Variants in GPCPD1 observed in about 807,000 individuals in gnomAD.
The protein encoded by GPCPD1 is glycerophosphocholine phosphodiesterase GPCPD1.
GPCPD1 carries 29 observed loss-of-function variants against 89.2 expected under a neutral mutation model. The ratio of observed to expected loss-of-function variants is 0.33; its 90% CI spans 0.24 to 0.44. The LOEUF (loss-of-function observed/expected upper bound fraction) is 0.44, where lower values mean the gene tolerates loss of function less well. Among genes scored for constraint, GPCPD1 ranks in the 20% least tolerant of loss-of-function variants. GPCPD1 has a pLI of 1.00. For synonymous variants in GPCPD1, 258 were observed against 266.3 expected (o/e 0.97, Z 0.30); for missense variants, 594 against 808.9 (o/e 0.73, Z 3.22).
chr20:5,557,015 G>C (rs1278659163), intron 19 of GPCPD1, among the ~76,000 whole-genome samples: 3 of 152,358 alleles, frequency 2.0e-5, no homozygotes, highest in African/African-American at 7.2e-5. Context: ...AGTTATTCAA[G>C]AAAGTCCTCA....
chr20:5,577,316 C>T (rs759508134), intron 8 of GPCPD1, among the ~76,000 whole-genome samples: 16 of 151,220 alleles, frequency 1.1e-4, no homozygotes, highest in Non-Finnish European at 1.5e-4. Flanking sequence ...CCACCGCGCC[C>T]GGCCAAAAAC....
intron 15 of GPCPD1, among the ~76,000 whole-genome samples, chr20:5,563,244 G>T (rs970759409): frequency 6.6e-6 from 1 of 152,160 alleles, no homozygotes; most frequent in Non-Finnish European, 1.5e-5. Flanking sequence ...CTCCCAAAGT[G>T]CTGGGATTAC....
At chr20:5,593,474 T>C in intron 3 of GPCPD1, 63 bp from the exon 4 acceptor site, 1 of 849,150 alleles carries the variant, frequency 1.2e-6, no homozygotes, top group South Asian at 1.4e-5. Flanking sequence ...TAAAGACTTC[T>C]TAATTCACAA....
chr20:5,559,902 T>C, intron 17 of GPCPD1, 38 bp downstream of exon 17: 1 of 1,266,442 alleles, frequency 7.9e-7, no homozygotes, highest in Non-Finnish European at 1.1e-6. Context: ...CCTAGACACA[T>C]TCTAAGAGTA....
intron 1 of GPCPD1, among the ~76,000 whole-genome samples, chr20:5,607,677 G>A (rs755329342): frequency 5.3e-5 from 8 of 151,818 alleles, no homozygotes; most frequent in African/African-American, 1.5e-4. Flanking sequence ...TAAACATGGC[G>A]GCCAGGTGTG....
intron 3 of GPCPD1, among the ~76,000 whole-genome samples, chr20:5,598,084 G>A (rs928386531): frequency 6.6e-6 from 1 of 151,948 alleles, no homozygotes; most frequent in Non-Finnish European, 1.5e-5. Context: ...GCCTTAAAAT[G>A]TTTCTTCAAA....
intron 19 of GPCPD1, among the ~76,000 whole-genome samples, chr20:5,553,921 A>T (rs1474422684): frequency 2.3e-5 from 2 of 87,414 alleles, no homozygotes; most frequent in Non-Finnish European, 4.7e-5. Context: ...GGTATCCAGA[A>T]GGTCTTGCTA....
In GPCPD1 at chr20:5,566,726, T is replaced by C; in HGVS notation, c.1267+7A>G. The C allele has an allele frequency of 1.3e-6, 2 of 1,524,556 alleles. No individual in the cohort carries two copies. The highest frequency in any genetic ancestry group is 1.8e-6 in the Non-Finnish European group (2 of 1,098,374). The allele number at this position is 1,524,556 out of a possible 1,614,324, so 94.4% of individuals were successfully genotyped here. A position where few individuals can be genotyped will look rare whatever the true frequency, so the allele number is the denominator to read the frequency against. Reference sequence around the variant, plus strand: ...AAGGAAAACAGTGTTTCCATATTGGTACATACCTTTCCGATCCTTAGATTT... The same window carrying C: ...AAGGAAAACAGTGTTTCCATATTGGCACATACCTTTCCGATCCTTAGATTT... On this transcript the variant is annotated splice_region_variant and intron_variant, in intron 14 of 19. Transcript: ENST00000379019.
intron 8 of GPCPD1, among the ~76,000 whole-genome samples, chr20:5,577,865 A>C (rs1255470366): frequency 1.3e-5 from 2 of 152,244 alleles, no homozygotes; most frequent in African/African-American, 4.8e-5. Flanking sequence ...TGTAAGTATC[A>C]CATGTAGCTC....
chr20:5,577,896 T>C lies in GPCPD1; in HGVS notation c.705+484A>G, dbSNP rs148604719. On this transcript the variant is annotated intron_variant, in intron 8 of 19. Transcript: ENST00000379019. ...AGCTCCAGAAAGTTAGCAGCACAGATTGTCAATAACCTGGCACAAGCTTTA... is the reference window on the plus strand; with the variant it reads ...AGCTCCAGAAAGTTAGCAGCACAGACTGTCAATAACCTGGCACAAGCTTTA... Among the ~76,000 whole-genome samples the C allele has an allele frequency of 1.5e-3, 230 of 152,106 alleles. 1 individual carries two copies. The highest frequency in any genetic ancestry group is 5.2e-3 in the African/African-American group (216 of 41,566).
In GPCPD1 at chr20:5,570,076, TA is replaced by T. The variant is rs201661124; in HGVS notation, c.1149+70del. On this transcript the variant is annotated intron_variant, in intron 12 of 19. Transcript: ENST00000379019. ...TCTATTTAATAAGTAATTAAAAATA[TA>T]AAAAAACTTCCTAGTTTTTAAACCT... The T allele has an allele frequency of 2.9e-3, 1,977 of 686,380 alleles. 36 individuals are homozygous for T. The African/African-American group carries it at 0.032, about 11-fold the overall frequency. The allele number at this position is 686,380 out of a possible 1,614,324, so 42.5% of individuals were successfully genotyped here.
In GPCPD1 at chr20:5,567,507, T is replaced by A. The variant is rs1174066347; in HGVS notation, c.1203A>T (p.Thr401=). 1 of 1,564,114 alleles carries A rather than the reference T, an allele frequency of 6.4e-7. No individual in the cohort carries two copies. Among genetic ancestry groups the A allele is most frequent in the African/African-American group, 1.4e-5 (1 of 70,970 alleles). The stretch of plus-strand genomic sequence containing the variant: ...CCTTTAACAACTGGAGTTGGTCAAA[T>A]GTTAATTCTTTTACTGGAATTTCAA... ...ELFEIPVKEL[T]FDQLQLLKLT... Residue 401 remains threonine (T), a synonymous_variant, in exon 13 of 20, where the codon ACA becomes ACT. Coordinates refer to ENST00000379019, the MANE Select transcript of GPCPD1 (RefSeq NM_019593.5).
intron 16 of GPCPD1, 34 bp downstream of exon 16, chr20:5,561,431 G>A: frequency 8.6e-7 from 1 of 1,162,318 alleles, no homozygotes; most frequent in South Asian, 1.3e-5. Context: ...TAGGCATAGA[G>A]AGTATAGAAT....
rs1351712239 is a variant in GPCPD1, at chr20:5,546,961, T to C, written c.*700A>G. 6.5e-6 allele frequency: 1 copy of C among 152,674 alleles called. No homozygotes were observed. The highest frequency in any genetic ancestry group is 1.5e-5 in the Non-Finnish European group (1 of 68,040). 9.5% of individuals were successfully genotyped at this position (152,674 alleles called of 1,614,324 possible). ...TCTATTCTACTAAGTATGCAATACA[T>C]ACTTTTTCTTACTAATATTTTATAC... is the stretch of plus-strand genomic sequence containing the variant. On this transcript the variant is annotated 3_prime_UTR_variant, in exon 20 of 20. Coordinates refer to ENST00000379019, the MANE Select transcript of GPCPD1 (RefSeq NM_019593.5).
chr20:5,568,099 C>T (rs1243427263), intron 12 of GPCPD1, among the ~76,000 whole-genome samples: 1 of 151,956 alleles, frequency 6.6e-6, no homozygotes, highest in East Asian at 1.9e-4. Context: ...TACCATGTTT[C>T]CCCCACAAGC....
In GPCPD1 at chr20:5,593,359, G is replaced by A. The variant is rs1473532289; in HGVS notation, c.199C>T (p.Arg67Cys). ...VLSRGVSVQY[R>C]YFKGYFLEPK... is the part of the protein sequence containing the mutation. ...TCTAAAAAGTACCCTTTGAAGTAGC[G>A]ATACTGAACTGATACTCCTCTACTG... Residue 67 changes from arginine (R) to cysteine (C), a missense_variant, in exon 4 of 20, where the codon CGC (arginine) becomes TGC (cysteine). Physicochemically the swap from Arg to Cys is radical, Grantham distance 180. Coordinates refer to ENST00000379019, the MANE Select transcript of GPCPD1 (RefSeq NM_019593.5). 3 of 1,591,520 alleles carry A rather than the reference G, an allele frequency of 1.9e-6. No individual in the cohort carries two copies. The highest frequency in any genetic ancestry group is 1.7e-5 in the Admixed American group (1 of 59,898).
intron 6 of GPCPD1, among the ~76,000 whole-genome samples, chr20:5,583,470 C>T (rs1331601887): frequency 2.6e-5 from 4 of 152,090 alleles, no homozygotes; most frequent in Non-Finnish European, 5.9e-5. Flanking sequence ...ATCACTTGAA[C>T]CTCAGGGTCG....
chr20:5,584,354 A>G, intron 5 of GPCPD1, 32 bp from the exon 6 acceptor site: 1 of 959,018 alleles, frequency 1.0e-6, no homozygotes, highest in Non-Finnish European at 1.7e-6. Flanking sequence ...AAATTTAGTT[A>G]AAACTCTTGA....
In GPCPD1 at chr20:5,563,925, T is replaced by C. The variant is rs563211250; in HGVS notation, c.1329+1092A>G. On this transcript the variant is annotated intron_variant, in intron 15 of 19. Coordinates refer to ENST00000379019, the MANE Select transcript of GPCPD1 (RefSeq NM_019593.5). ...ACGTGTTAGCAAGTAGCTAATACAG[T>C]AGATAAAACCCATTAAGCTAATAAG... Among the ~76,000 whole-genome samples, 14 of 152,268 alleles carry C rather than the reference T, an allele frequency of 9.2e-5. No homozygotes were observed. In the South Asian group the frequency reaches 2.5e-3, roughly 27 times the overall value.
Sources: gnomAD v4.1 joint callset for allele counts (sites outside exome capture counted in the v4.1 genomes callset) on GRCh38, gnomAD v4.1.1 for gene constraint, MANE v1.5 for transcripts, NCBI Gene and HGNC (gene_info 2026-07-23, HGNC 2026-07-21) for gene names.